SRRT: variants seen among roughly 807,000 people sequenced by gnomAD.
SRRT encodes serrate, RNA effector molecule.
Under a neutral mutation model 103.2 loss-of-function variants are expected in SRRT, and 32 were observed. The observed-to-expected ratio is 0.31, with a 90% confidence interval of 0.23 to 0.42. SRRT has a LOEUF of 0.42. Among genes scored for constraint, SRRT ranks in the 10% least tolerant of loss-of-function variants. The pLI is 1.00. For synonymous variants in SRRT, 525 were observed against 449.0 expected, an observed-to-expected ratio of 1.17 and a Z score of -2.14; for missense variants, 986 against 1,207.5, an observed-to-expected ratio of 0.82 and a Z score of 2.72.
Position 100,877,077 on chromosome 7 carries a change from TA to T in SRRT, c.122+1369del, listed in dbSNP as rs1197992877. On this transcript the variant is annotated intron_variant, in intron 2 of 19. Transcript: ENST00000611405. ...CTGTTGGTGCCATAGCAATGATGGGTAAAACCGCTGATGCTTTACCAAACAT... is the reference window on the plus strand; with the variant it reads ...CTGTTGGTGCCATAGCAATGATGGGTAAACCGCTGATGCTTTACCAAACAT... Among the ~76,000 whole-genome samples, 20 of 151,412 alleles carry T rather than the reference TA, an allele frequency of 1.3e-4. No individual in the cohort carries two copies. In the South Asian group the frequency reaches 4.2e-3, roughly 32 times the overall value.
rs1272545050 is a variant in SRRT at position 100,882,383 on chromosome 7, T to C, written c.587+142T>C. On this transcript the variant is annotated intron_variant, in intron 5 of 19. Coordinates refer to ENST00000611405, the MANE Select transcript of SRRT (RefSeq NM_015908.6). The surrounding 1 kb of genome is among the most constrained non-coding windows in gnomAD (Gnocchi z 4.2). Reference sequence around the variant, plus strand: ...GGTCGGGAAGTATGACAGCATTGGCTGATGGGGTCTCCCCCTCACTTCAGC... The same window carrying C: ...GGTCGGGAAGTATGACAGCATTGGCCGATGGGGTCTCCCCCTCACTTCAGC... The C allele has an allele frequency of 2.3e-6, 2 of 882,420 alleles. No homozygotes were observed. Among genetic ancestry groups the C allele is most frequent in the Non-Finnish European group, 3.4e-6 (2 of 588,586 alleles). The allele number at this position is 882,420 out of a possible 1,614,324, so 54.7% of individuals were successfully genotyped here.
chr7:100,884,099 T>TG lies in SRRT; in HGVS notation c.621dup (p.Lys208GlufsTer27). On this transcript the variant is annotated frameshift_variant, in exon 6 of 20. Coordinates refer to ENST00000611405, the MANE Select transcript of SRRT (RefSeq NM_015908.6). LOFTEE classifies it high-confidence loss of function. ...CGGTCTAAGTACCACCCAGATGAGG[T>TG]GGGGAAGCGTCGGCAGGAGGCCCGG... The TG allele has an allele frequency of 6.2e-7, 1 of 1,605,694 alleles. No homozygotes were observed. Among genetic ancestry groups the TG allele is most frequent in the Non-Finnish European group, 8.5e-7 (1 of 1,177,682 alleles).
In SRRT at chr7:100,877,399, G is replaced by A. The variant is rs187287482; in HGVS notation, c.122+1687G>A. Among the ~76,000 whole-genome samples, 203 of 109,208 alleles carry A rather than the reference G, an allele frequency of 1.9e-3. 1 individual carries two copies. The highest frequency in any genetic ancestry group is 5.2e-3 in the African/African-American group (137 of 26,400). The allele number at this position is 109,208 out of a possible 152,430, so 71.6% of individuals were successfully genotyped here. A position where few individuals can be genotyped will look rare whatever the true frequency, so the allele number is the denominator to read the frequency against. On this transcript the variant is annotated intron_variant, in intron 2 of 19. Coordinates refer to ENST00000611405, the MANE Select transcript of SRRT (RefSeq NM_015908.6). Reference sequence around the variant, plus strand: ...TCACACCCCTGCACTCCGGCCTGGCGACAGAGCAAGACTCTGTCTCAAAAA... The same window carrying A: ...TCACACCCCTGCACTCCGGCCTGGCAACAGAGCAAGACTCTGTCTCAAAAA...
Position 100,885,094 on chromosome 7 carries a change from G to A in SRRT, c.1159+54G>A. 1 of 1,609,370 alleles carries A rather than the reference G, an allele frequency of 6.2e-7. No individual in the cohort carries two copies. ...GTTCTCCTAATGCGGGTGGGGAGGTGAGAGGTTGGCGACATTGACGGGAGG... is the reference window on the plus strand; with the variant it reads ...GTTCTCCTAATGCGGGTGGGGAGGTAAGAGGTTGGCGACATTGACGGGAGG... On this transcript the variant is annotated intron_variant, in intron 9 of 19. Coordinates refer to ENST00000611405, the MANE Select transcript of SRRT (RefSeq NM_015908.6). The surrounding 1 kb of genome is among the most constrained non-coding windows in gnomAD (Gnocchi z 4.8).
At chr7:100,876,538 T>C (rs1197063540) in intron 2 of SRRT, among the ~76,000 whole-genome samples, 1 of 152,172 alleles carries the variant, frequency 6.6e-6, no homozygotes, top group Non-Finnish European at 1.5e-5. Context: ...AAAATAATAA[T>C]ATAGAGTTGA....
In SRRT at chr7:100,887,683, C is replaced by G; in HGVS notation, c.2170-20C>G. 2 of 1,600,172 alleles carry G rather than the reference C, an allele frequency of 1.2e-6. No homozygotes were observed. The highest frequency in any genetic ancestry group is 1.7e-6 in the Non-Finnish European group (2 of 1,168,754). ...CAACCCTTATGTGGCTGTCCTGACC[C>G]CTCTCCTCTCTCCACCCAGGGTCCT... is the stretch of plus-strand genomic sequence containing the variant. On this transcript the variant is annotated intron_variant, in intron 16 of 19. Transcript: ENST00000611405. The surrounding 1 kb of genome is among the most constrained non-coding windows in gnomAD (Gnocchi z 4.1).
At chr7:100,875,514 C>T (rs1199029658) in intron 1 of SRRT, 59 bp from the exon 2 acceptor site, 1 of 1,594,926 alleles carries the variant, frequency 6.3e-7, no homozygotes. Context: ...CCGCGAGGGA[C>T]GGTCCCTTCC....
chr7:100,883,925 C>T, intron 5 of SRRT, 145 bp from the exon 6 acceptor site: 1 of 872,556 alleles, frequency 1.1e-6, no homozygotes, highest in Non-Finnish European at 1.7e-6. Context: ...TAGCGCACCC[C>T]TATCCCTTAA....
Position 100,884,222 on chromosome 7 carries a change from T to C in SRRT, c.740T>C (p.Val247Ala), listed in dbSNP as rs1789856831. ...LLDIDKADAI[V>A]KMLDAAVIKM... ...GACATAGACAAAGCTGATGCCATTG[T>C]CAAGATGCTGGATGCAGGTGTGCGG... Residue 247 changes from valine (V) to alanine (A), a missense_variant, in exon 6 of 20, where the codon GTC becomes GCC. Val to Ala is a moderately conservative substitution (Grantham distance 64). Around this residue, in one of 6 missense-constraint regions of SRRT, gnomAD observed 274 missense variants for 358.5 expected, o/e 0.76. Coordinates refer to ENST00000611405, the MANE Select transcript of SRRT (RefSeq NM_015908.6). The C allele has an allele frequency of 6.2e-7, 1 of 1,614,022 alleles. No individual in the cohort carries two copies. Among genetic ancestry groups the C allele is most frequent in the African/African-American group, 1.3e-5 (1 of 74,908 alleles).
rs1278397381 is a variant in SRRT at position 100,887,897 on chromosome 7, C to T, written c.2326+38C>T. The T allele has an allele frequency of 1.3e-6, 2 of 1,580,146 alleles. No individual in the cohort carries two copies. Among genetic ancestry groups the T allele is most frequent in the Non-Finnish European group, 1.7e-6 (2 of 1,157,836 alleles). On this transcript the variant is annotated intron_variant, in intron 17 of 19. Transcript: ENST00000611405. This position sits in a 1 kb window ranked among gnomAD's most constrained non-coding sequence, Gnocchi z 4.1. The stretch of plus-strand genomic sequence containing the variant: ...CCATGAAGGTCGCATGTGCCCTCTT[C>T]CTTGACTACCCAGGGACTCCTGTTT...
chr7:100,884,129 C>G lies in SRRT; in HGVS notation c.647C>G (p.Ala216Gly), dbSNP rs1262750069. 2 of 1,612,476 alleles carry G rather than the reference C, an allele frequency of 1.2e-6. No homozygotes were observed. The highest frequency in any genetic ancestry group is 2.2e-5 in the East Asian group (1 of 44,834). The change falls in exon 6 of 20, where the codon GCC becomes GGC. Residue 216 changes from alanine (A) to glycine (G), a missense_variant. Transcript: ENST00000611405. ...VGKRRQEARG[A>G]LQNRLRVFLS... ...AAGCGTCGGCAGGAGGCCCGGGGGG[C>G]CCTGCAAAACCGACTGAGGGTCTTC...
chr7:100,884,635 G>A lies in SRRT; in HGVS notation c.942+83G>A, dbSNP rs1789908438. 2.6e-6 allele frequency: 4 copies of A among 1,527,544 alleles called. No individual in the cohort carries two copies. The East Asian group carries it at 9.2e-5, about 35-fold the overall frequency. 94.6% of individuals were successfully genotyped at this position (1,527,544 alleles called of 1,614,324 possible). On this transcript the variant is annotated intron_variant, in intron 7 of 19. Transcript: ENST00000611405. Reference sequence around the variant, plus strand: ...AGGGGTCCATAGGAGCTAGAAGTAGGGGGCTGGGGAAAATGAACCTGTGGC... The same window carrying A: ...AGGGGTCCATAGGAGCTAGAAGTAGAGGGCTGGGGAAAATGAACCTGTGGC...
In SRRT at chr7:100,875,556, C is replaced by G. The variant is rs556469097; in HGVS notation, c.-18-17C>G. On this transcript the variant is annotated splice_polypyrimidine_tract_variant and intron_variant, in intron 1 of 19. Transcript: ENST00000611405. Reference sequence around the variant, plus strand: ...CGTCCTTTTGCACCACTCCTACCGCCTCTCCCCGGTCCCCAGGCCCCCTCA... The same window carrying G: ...CGTCCTTTTGCACCACTCCTACCGCGTCTCCCCGGTCCCCAGGCCCCCTCA... 7 of 1,612,732 alleles carry G rather than the reference C, an allele frequency of 4.3e-6. No individual in the cohort carries two copies. The highest frequency in any genetic ancestry group is 3.3e-5 in the Admixed American group (2 of 59,968).
At chr7:100,876,540 T>G (rs113371040) in intron 2 of SRRT, among the ~76,000 whole-genome samples, 1 of 152,138 alleles carries the variant, frequency 6.6e-6, no homozygotes, top group South Asian at 2.1e-4. Flanking sequence ...AATAATAATA[T>G]AGAGTTGATC....
At position 100,884,090 on chromosome 7, in the gene SRRT, C is replaced by T. The variant is rs1789834500; in HGVS notation, c.608C>T (p.Pro203Leu). 1 of 1,602,330 alleles carries T rather than the reference C, an allele frequency of 6.2e-7. No homozygotes were observed. Among genetic ancestry groups the T allele is most frequent in the African/African-American group, 1.4e-5 (1 of 73,980 alleles). ...CCCAGGTTTCGGTCTAAGTACCACC[C>T]AGATGAGGTGGGGAAGCGTCGGCAG... Reference protein sequence around the residue: ...DEEWFRSKYHPDEVGKRRQEA... With the variant: ...DEEWFRSKYHLDEVGKRRQEA... Residue 203 changes from proline to leucine, a missense_variant, in exon 6 of 20, where the codon CCA becomes CTA. Around this residue, in one of 6 missense-constraint regions of SRRT, gnomAD observed 274 missense variants for 358.5 expected, o/e 0.76. Transcript: ENST00000611405.
At chr7:100,878,489 T>C (rs12669120) in intron 2 of SRRT, among the ~76,000 whole-genome samples, 62,289 of 152,018 alleles carry the variant, frequency 0.41, 15,017 homozygotes, top group East Asian at 0.8. Context: ...TGGATTTTAA[T>C]GCAGCAGAGA....
intron 2 of SRRT, chr7:100,875,967 A>C: frequency 2.4e-6 from 1 of 421,170 alleles, no homozygotes; most frequent in Non-Finnish European, 4.4e-6. Flanking sequence ...CATGCACGAA[A>C]AGCGTGCTTT....
Position 100,884,258 on chromosome 7 carries a change from G to T in SRRT, c.757+19G>T. ...GATGCAGGTGTGCGGATTTGGAGGGGTGGCAGGCATCTGGGCCCCATGGGG... is the reference window on the plus strand; with the variant it reads ...GATGCAGGTGTGCGGATTTGGAGGGTTGGCAGGCATCTGGGCCCCATGGGG... On this transcript the variant is annotated intron_variant, in intron 6 of 19. Coordinates refer to ENST00000611405, the MANE Select transcript of SRRT (RefSeq NM_015908.6). 1 of 1,614,100 alleles carries T rather than the reference G, an allele frequency of 6.2e-7. No individual in the cohort carries two copies. The highest frequency in any genetic ancestry group is 2.2e-5 in the East Asian group (1 of 44,876).
Position 100,886,334 on chromosome 7 carries a change from AT to A in SRRT, c.1548del (p.Ile516MetfsTer12). 6.2e-7 allele frequency: 1 copy of A among 1,613,828 alleles called. No homozygotes were observed. Among genetic ancestry groups the A allele is most frequent in the Non-Finnish European group, 8.5e-7 (1 of 1,180,000 alleles). ...NINGITQHKQ[I>X]VRNDIKLAAK... ...CAACGGCATCACCCAGCACAAGCAG[AT>A]TGTGCGCAACGACATCAAGCTGGCG... On this transcript the variant is annotated frameshift_variant, in exon 13 of 20. Coordinates refer to ENST00000611405, the MANE Select transcript of SRRT (RefSeq NM_015908.6). LOFTEE classifies it high-confidence loss of function.
Sources: gnomAD v4.1 joint callset for allele counts (sites outside exome capture counted in the v4.1 genomes callset) on GRCh38, gnomAD v4.1.1 for gene constraint, gnomAD v4.1.1 regional missense constraint, Gnocchi (gnomAD v3.1) non-coding constraint, MANE v1.5 for transcripts, NCBI Gene and HGNC (gene_info 2026-07-23, HGNC 2026-07-21) for gene names.